KCNQ1: variants seen among roughly 807,000 people sequenced by gnomAD.
KCNQ1 encodes the protein potassium voltage-gated channel subfamily Q member 1.
KCNQ1 carries 49 observed loss-of-function variants against 72.4 expected under a neutral mutation model. That is an observed-to-expected ratio of 0.68 (90% CI 0.54 to 0.86). The LOEUF is 0.86. Ranked by LOEUF, KCNQ1 falls within the 40% of genes least tolerant of loss-of-function variation. The pLI is 0.00. For missense variants in KCNQ1, 790 were observed against 945.1 expected, an observed-to-expected ratio of 0.84 and a Z score of 2.15; for synonymous variants, 450 against 412.6, an observed-to-expected ratio of 1.09 and a Z score of -1.10.
At chr11:2,788,859 C>T (rs890855594) in intron 15 of KCNQ1, among the ~76,000 whole-genome samples, 1 of 152,170 alleles carries the variant, frequency 6.6e-6, no homozygotes, top group Non-Finnish European at 1.5e-5. Context: ...CTGAGCACCG[C>T]CACCCTGTTC....
chr11:2,841,330 A>G (rs950248697), intron 15 of KCNQ1, among the ~76,000 whole-genome samples: 4 of 152,184 alleles, frequency 2.6e-5, no homozygotes, highest in African/African-American at 9.7e-5. Flanking sequence ...GGAATTCTGC[A>G]GAAGGATTTG....
intron 11 of KCNQ1, among the ~76,000 whole-genome samples, chr11:2,741,880 C>T (rs1286942192): frequency 1.3e-5 from 2 of 152,222 alleles, no homozygotes; most frequent in East Asian, 3.9e-4. Context: ...CCACTCTCTG[C>T]CACCCCAGGC....
Position 2,527,832 on chromosome 11 carries a change from G to A in KCNQ1, c.387-96G>A, listed in dbSNP as rs1589930998. On this transcript the variant is annotated intron_variant, in intron 1 of 15. Coordinates refer to ENST00000155840, the MANE Select transcript of KCNQ1 (RefSeq NM_000218.3). ...TCGAAGCACTGTCTGTTCCTACCTG[G>A]GGGCGGGGCTGAGGCCAGGGGCCCC... is the stretch of plus-strand genomic sequence containing the variant. 8 of 1,004,500 alleles carry A rather than the reference G, an allele frequency of 8.0e-6. No individual in the cohort carries two copies. The East Asian group carries it at 1.7e-4, about 21-fold the overall frequency. 62.2% of individuals were successfully genotyped at this position (1,004,500 alleles called of 1,614,324 possible).
At position 2,799,375 on chromosome 11, in the gene KCNQ1, A is replaced by AGTGTGT. The variant is rs3079043; in HGVS notation, c.1794+21360_1794+21365dup. 2.9e-3 allele frequency among the ~76,000 whole-genome samples: 433 copies of AGTGTGT among 147,394 alleles called. 3 individuals carry two copies. The highest frequency in any genetic ancestry group is 9.4e-3 in the South Asian group (43 of 4,568). On this transcript the variant is annotated intron_variant, in intron 15 of 15. Transcript: ENST00000155840. ...TTTAACTTCTGTAGCTGTAAGTTCG[A>AGTGTGT]GTGTGTGTGTGTGTGTGTGTGTGTG...
rs1332046740 is a variant in KCNQ1, at chr11:2,768,988, C to G, written c.1590+69C>G. On this transcript the variant is annotated intron_variant, in intron 12 of 15. Coordinates refer to ENST00000155840, the MANE Select transcript of KCNQ1 (RefSeq NM_000218.3). The surrounding 1 kb of genome is among the most constrained non-coding windows in gnomAD (Gnocchi z 6.7). ...CAGCCTGATGCAGCTGCCCACACCT[C>G]TCCTGGGTTCTCTCCTGCCCATAGT... The G allele has an allele frequency of 4.0e-6, 5 of 1,257,898 alleles. No individual in the cohort carries two copies. In the Admixed American group the frequency reaches 8.6e-5, roughly 22 times the overall value. The allele number at this position is 1,257,898 out of a possible 1,614,324, so 77.9% of individuals were successfully genotyped here.
intron 11 of KCNQ1, chr11:2,672,143 C>T: frequency 5.0e-6 from 2 of 398,738 alleles, no homozygotes; most frequent in African/African-American, 2.1e-5. Context: ...CCTCTTTGGG[C>T]CTTTCAAAGT....
intron 1 of KCNQ1, among the ~76,000 whole-genome samples, chr11:2,459,208 C>A (rs1343749295): frequency 6.6e-6 from 1 of 152,200 alleles, no homozygotes; most frequent in Admixed American, 6.5e-5. Flanking sequence ...GGTGGGGACA[C>A]TGTGGTCTGT....
Position 2,554,112 on chromosome 11 carries a change from G to A in KCNQ1, c.478-16516G>A, listed in dbSNP as rs11023271. 3.7e-4 allele frequency among the ~76,000 whole-genome samples: 57 copies of A among 152,378 alleles called. No individual in the cohort carries two copies. The East Asian group carries it at 0.01, about 28-fold the overall frequency. The stretch of plus-strand genomic sequence containing the variant: ...CGCTCACGAGGGCGTCACCTGCCAT[G>A]TGTTGGCTGTTGTGTCTGGTTTTGG... On this transcript the variant is annotated intron_variant, in intron 2 of 15. Coordinates refer to ENST00000155840, the MANE Select transcript of KCNQ1 (RefSeq NM_000218.3).
chr11:2,534,355 G>A (rs1271557552), intron 2 of KCNQ1, among the ~76,000 whole-genome samples: 1 of 152,256 alleles, frequency 6.6e-6, no homozygotes, highest in African/African-American at 2.4e-5. Context: ...GCGGTTTCCC[G>A]CAGCACCATT....
In KCNQ1 at chr11:2,687,357, G is replaced by T; in HGVS notation, c.1514+25276G>T. 5.0e-6 allele frequency: 2 copies of T among 398,698 alleles called. No homozygotes were observed. The highest frequency in any genetic ancestry group is 8.8e-6 in the Non-Finnish European group (2 of 226,120). The allele number at this position is 398,698 out of a possible 1,614,324, so 24.7% of individuals were successfully genotyped here. A position where few individuals can be genotyped will look rare whatever the true frequency, so the allele number is the denominator to read the frequency against. On this transcript the variant is annotated intron_variant, in intron 11 of 15. Coordinates refer to ENST00000155840, the MANE Select transcript of KCNQ1 (RefSeq NM_000218.3). The surrounding 1 kb of genome is among the most constrained non-coding windows in gnomAD (Gnocchi z 5.0). ...GCCAGAGGCTGAGGTAGCCAGGTCT[G>T]CCTTGGGCTGTCACTCAGGGCTGAG...
At chr11:2,465,106 C>T (rs1287611244) in intron 1 of KCNQ1, among the ~76,000 whole-genome samples, 1 of 152,238 alleles carries the variant, frequency 6.6e-6, no homozygotes, top group Non-Finnish European at 1.5e-5. Context: ...AAATGCAGTC[C>T]CTCCAGAGCT....
In KCNQ1 at chr11:2,678,132, C is replaced by T; in HGVS notation, c.1514+16051C>T. ...TCATATTCATTGAAAATATTTTATC[C>T]TCATTTTCCTTAGGTGTTTTGGCTT... On this transcript the variant is annotated intron_variant, in intron 11 of 15. Transcript: ENST00000155840. The surrounding 1 kb of genome is among the most constrained non-coding windows in gnomAD (Gnocchi z 4.9). 2.5e-6 allele frequency: 1 copy of T among 398,154 alleles called. No individual in the cohort carries two copies. Among genetic ancestry groups the T allele is most frequent in the Non-Finnish European group, 4.4e-6 (1 of 225,918 alleles). The allele number at this position is 398,154 out of a possible 1,614,324, so 24.7% of individuals were successfully genotyped here.
chr11:2,662,207 T>G, intron 11 of KCNQ1, 126 bp downstream of exon 11: 5 of 1,332,372 alleles, frequency 3.8e-6, no homozygotes, highest in Non-Finnish European at 5.2e-6. Context: ...GCCCACCACT[T>G]GCCGTCTGCC....
In KCNQ1 at chr11:2,610,716, CTTTTTTTTTTTTTTTTT is replaced by C. The variant is rs1167505141; in HGVS notation, c.1393+21875_1393+21891del. 2.3e-5 allele frequency: 4 copies of C among 176,132 alleles called. 1 individual carries two copies. The highest frequency in any genetic ancestry group is 9.2e-6 in the Non-Finnish European group (1 of 109,106). 10.9% of individuals were successfully genotyped at this position (176,132 alleles called of 1,614,324 possible). A position where few individuals can be genotyped will look rare whatever the true frequency, so the allele number is the denominator to read the frequency against. On this transcript the variant is annotated intron_variant, in intron 10 of 15. Transcript: ENST00000155840. ...TTCTGGACACAGTATTCTTGGTTGG[CTTTTTTTTTTTTTTTTT>C]TTTTTTTTTTTTACTTTGAGCACTT...
At chr11:2,445,513 A>G in intron 1 of KCNQ1, 29 bp downstream of exon 1, 1 of 1,585,060 alleles carries the variant, frequency 6.3e-7, no homozygotes, top group South Asian at 1.1e-5. Context: ...GACGGCCGGC[A>G]CGAAGGTGCT....
At position 2,652,701 on chromosome 11, in the gene KCNQ1, C is replaced by G. The variant is rs982777787; in HGVS notation, c.1394-9260C>G. On this transcript the variant is annotated intron_variant, in intron 10 of 15. Coordinates refer to ENST00000155840, the MANE Select transcript of KCNQ1 (RefSeq NM_000218.3). The surrounding 1 kb of genome is among the most constrained non-coding windows in gnomAD (Gnocchi z 5.9). ...GTTGTGTGGGTGGCTGTGTTGCTCT[C>G]TTTCCGTTTCCTGGGCTCACTCACG... 3.5e-5 allele frequency: 14 copies of G among 398,806 alleles called. No homozygotes were observed. The highest frequency in any genetic ancestry group is 6.2e-5 in the Non-Finnish European group (14 of 226,320). 24.7% of individuals were successfully genotyped at this position (398,806 alleles called of 1,614,324 possible).
In KCNQ1 at chr11:2,598,289, T is replaced by C. The variant is rs1297759125; in HGVS notation, c.1393+9435T>C. Among the ~76,000 whole-genome samples, 2 of 152,180 alleles carry C rather than the reference T, an allele frequency of 1.3e-5. No individual in the cohort carries two copies. Among genetic ancestry groups the C allele is most frequent in the Non-Finnish European group, 2.9e-5 (2 of 68,022 alleles). Reference sequence around the variant, plus strand: ...TTAATTTTGTGTTTTGATTTTTCTCTTTAGAGTTCTTTTAATGTCTTCTTA... The same window carrying C: ...TTAATTTTGTGTTTTGATTTTTCTCCTTAGAGTTCTTTTAATGTCTTCTTA... On this transcript the variant is annotated intron_variant, in intron 10 of 15. Coordinates refer to ENST00000155840, the MANE Select transcript of KCNQ1 (RefSeq NM_000218.3). The surrounding 1 kb of genome is among the most constrained non-coding windows in gnomAD (Gnocchi z 6.2).
chr11:2,533,153 G>A (rs1230820854), intron 2 of KCNQ1, among the ~76,000 whole-genome samples: 1 of 152,238 alleles, frequency 6.6e-6, no homozygotes, highest in Non-Finnish European at 1.5e-5. Flanking sequence ...TTCCCAGGGA[G>A]CCCCTGTTTT....
chr11:2,585,010 G>T (rs1848571799), intron 7 of KCNQ1, among the ~76,000 whole-genome samples: 1 of 152,198 alleles, frequency 6.6e-6, no homozygotes, highest in Non-Finnish European at 1.5e-5. Context: ...TGGGCCCCTT[G>T]CTGGATAAGA....
Sources: allele counts gnomAD v4.1 joint callset (sites outside exome capture counted in the v4.1 genomes callset), GRCh38; gene constraint gnomAD v4.1.1; non-coding constraint Gnocchi (gnomAD v3.1); transcripts MANE v1.5; gene names NCBI Gene and HGNC (gene_info 2026-07-23, HGNC 2026-07-21).